DNM2: variants seen among roughly 807,000 people sequenced by gnomAD.
DNM2 encodes the protein dynamin 2, also known as dynamin-2.
In DNM2, 15 loss-of-function variants were observed where a neutral mutation model predicts 99.0. That is an observed-to-expected ratio of 0.15 (90% CI 0.10 to 0.23). The LOEUF (loss-of-function observed/expected upper bound fraction) is 0.23, where lower values mean the gene tolerates loss of function less well. DNM2 is among the 10% of genes least tolerant of loss of function. The probability of loss-of-function intolerance (pLI) is 1.00; values close to 1 mark genes in which losing one functional copy is unlikely to be tolerated. For synonymous variants in DNM2, 525 were observed against 481.2 expected (o/e 1.09, Z -1.19); for missense variants, 742 against 1,189.4 (o/e 0.62, Z 5.53).
rs778429382 is a variant in DNM2 at position 10,765,237 on chromosome 19, C to A, written c.235+5426C>A. Among the ~76,000 whole-genome samples, 1 of 152,198 alleles carries A rather than the reference C, an allele frequency of 6.6e-6. No homozygotes were observed. The highest frequency in any genetic ancestry group is 1.5e-5 in the Non-Finnish European group (1 of 68,036). The stretch of plus-strand genomic sequence containing the variant: ...CCTCCCAAAGTGCTGGGATTACAGG[C>A]GTGAGCCACCACGCCCGGCCTGTTT... On this transcript the variant is annotated intron_variant, in intron 2 of 20. Transcript: ENST00000389253. The surrounding 1 kb of genome is among the most constrained non-coding windows in gnomAD (Gnocchi z 4.4).
intron 19 of DNM2, among the ~76,000 whole-genome samples, chr19:10,829,879 G>A (rs955961059): frequency 5.9e-5 from 9 of 152,182 alleles, no homozygotes; most frequent in African/African-American, 2.2e-4. Context: ...GAGGACTCTG[G>A]AAGTGTCTTT....
At chr19:10,758,184 A>G (rs1040277668) in intron 1 of DNM2, among the ~76,000 whole-genome samples, 2 of 151,726 alleles carry the variant, frequency 1.3e-5, no homozygotes, top group African/African-American at 2.4e-5. Context: ...TACTCCCTCT[A>G]TCTTCTGGGG....
chr19:10,775,572 C>A lies in DNM2; in HGVS notation c.386-131C>A, dbSNP rs770091758. On this transcript the variant is annotated intron_variant, in intron 3 of 20. Coordinates refer to ENST00000389253, the MANE Select transcript of DNM2 (RefSeq NM_001005361.3). The surrounding 1 kb of genome is among the most constrained non-coding windows in gnomAD (Gnocchi z 4.3). ...TACTGGATCAAAGGTGTGGTTCAGG[C>A]AGAGTGTCAGGCGACATCCTCAAGT... 3 of 974,734 alleles carry A rather than the reference C, an allele frequency of 3.1e-6. No homozygotes were observed. Among genetic ancestry groups the A allele is most frequent in the Non-Finnish European group, 4.9e-6 (3 of 606,362 alleles). 60.4% of individuals were successfully genotyped at this position (974,734 alleles called of 1,614,324 possible).
chr19:10,796,113 G>A lies in DNM2; in HGVS notation c.1196+674G>A. On this transcript the variant is annotated intron_variant, in intron 9 of 20. Transcript: ENST00000389253. This position sits in a 1 kb window ranked among gnomAD's most constrained non-coding sequence, Gnocchi z 5.6. ...ATTCGAGGCCATTGTGAAAAAGCAG[G>A]TCGTCAAGCTGAAAGAGCCCTGTCT... The A allele has an allele frequency of 6.2e-7, 1 of 1,614,148 alleles. No homozygotes were observed. Among genetic ancestry groups the A allele is most frequent in the South Asian group, 1.1e-5 (1 of 91,086 alleles).
In DNM2 at chr19:10,796,014, T is replaced by C. The variant is rs1453232484; in HGVS notation, c.1196+575T>C. The stretch of plus-strand genomic sequence containing the variant: ...CAATGAAATTGCTGACCATGCTTTG[T>C]TTCTCTCTGACTTATCTCCCCTGCC... On this transcript the variant is annotated intron_variant, in intron 9 of 20. Transcript: ENST00000389253. The surrounding 1 kb of genome is among the most constrained non-coding windows in gnomAD (Gnocchi z 5.6). 8 of 1,611,742 alleles carry C rather than the reference T, an allele frequency of 5.0e-6. No homozygotes were observed. Among genetic ancestry groups the C allele is most frequent in the Non-Finnish European group, 6.8e-6 (8 of 1,179,988 alleles).
At position 10,796,153 on chromosome 19, in the gene DNM2, T is replaced by G. The variant is rs757922565; in HGVS notation, c.1196+714T>G. 6.2e-7 allele frequency: 1 copy of G among 1,614,216 alleles called. No individual in the cohort carries two copies. Among genetic ancestry groups the G allele is most frequent in the Non-Finnish European group, 8.5e-7 (1 of 1,180,042 alleles). ...GAGCCCTGTCTGAAATGTGTCGACC[T>G]GGTTATCCAGGAGCTAATCAATACA... On this transcript the variant is annotated intron_variant, in intron 9 of 20. Coordinates refer to ENST00000389253, the MANE Select transcript of DNM2 (RefSeq NM_001005361.3). This position sits in a 1 kb window ranked among gnomAD's most constrained non-coding sequence, Gnocchi z 5.6.
rs374376619 is a variant in DNM2, at chr19:10,796,067, G to T, written c.1196+628G>T. On this transcript the variant is annotated intron_variant, in intron 9 of 20. Transcript: ENST00000389253. The surrounding 1 kb of genome is among the most constrained non-coding windows in gnomAD (Gnocchi z 5.6). ...CGGGTCTGGACGGTTTCAGGACCGGGCTTTTCACCCCGGACTTGGCATTCG... is the reference window on the plus strand; with the variant it reads ...CGGGTCTGGACGGTTTCAGGACCGGTCTTTTCACCCCGGACTTGGCATTCG... 6 of 1,613,590 alleles carry T rather than the reference G, an allele frequency of 3.7e-6. No homozygotes were observed. Among genetic ancestry groups the T allele is most frequent in the Non-Finnish European group, 5.1e-6 (6 of 1,180,004 alleles).
At chr19:10,720,270 T>C (rs999355509) in intron 1 of DNM2, among the ~76,000 whole-genome samples, 3 of 151,382 alleles carry the variant, frequency 2.0e-5, no homozygotes, top group African/African-American at 7.3e-5. Flanking sequence ...TGGAGTGCAG[T>C]GGAGCAATCT....
chr19:10,726,615 A>G (rs1393436985), intron 1 of DNM2, among the ~76,000 whole-genome samples: 2 of 152,148 alleles, frequency 1.3e-5, no homozygotes, highest in African/African-American at 4.8e-5. Flanking sequence ...GTGATGAGAA[A>G]TGGGAGAAAA....
At chr19:10,774,119 A>G (rs2071072295) in intron 3 of DNM2, among the ~76,000 whole-genome samples, 1 of 152,250 alleles carries the variant, frequency 6.6e-6, no homozygotes, top group African/African-American at 2.4e-5. Flanking sequence ...CCAGTTTTGC[A>G]CACATATTTT....
chr19:10,788,136 G>A (rs1396837387), intron 7 of DNM2, among the ~76,000 whole-genome samples: 1 of 152,052 alleles, frequency 6.6e-6, no homozygotes, highest in Non-Finnish European at 1.5e-5. Context: ...GGGAGACTGA[G>A]GCAAGAGAAT....
intron 1 of DNM2, among the ~76,000 whole-genome samples, chr19:10,749,895 T>C (rs1194829069): frequency 6.6e-6 from 1 of 152,100 alleles, no homozygotes; most frequent in Non-Finnish European, 1.5e-5. Context: ...AGGCAGGGCC[T>C]ATGGGAGGGT....
chr19:10,730,946 G>A (rs1262385987), intron 1 of DNM2, among the ~76,000 whole-genome samples: 2 of 152,198 alleles, frequency 1.3e-5, no homozygotes, highest in African/African-American at 4.8e-5. Context: ...GTAGACAAGA[G>A]GCCAGCAGAG....
chr19:10,718,554 G>T, intron 1 of DNM2, 151 bp downstream of exon 1: 1 of 1,141,416 alleles, frequency 8.8e-7, no homozygotes, highest in South Asian at 3.6e-5. Flanking sequence ...GGGCCCTGTG[G>T]GACGCCCTGG....
In DNM2 at chr19:10,818,729, G is replaced by C. The variant is rs548251059; in HGVS notation, c.1672-1251G>C. On this transcript the variant is annotated intron_variant, in intron 15 of 20. Transcript: ENST00000389253. This position sits in a 1 kb window ranked among gnomAD's most constrained non-coding sequence, Gnocchi z 4.3. ...GCTTTGTGCTGGGGCAGCGCAGTGA[G>C]GGGACATGAGAGGAGTTTCCAGAGA... is the stretch of plus-strand genomic sequence containing the variant. Among the ~76,000 whole-genome samples, 2 of 152,362 alleles carry C rather than the reference G, an allele frequency of 1.3e-5. No homozygotes were observed. The highest frequency in any genetic ancestry group is 4.1e-4 in the South Asian group (2 of 4,832).
chr19:10,821,102 T>G (rs937332406), intron 16 of DNM2, among the ~76,000 whole-genome samples: 1 of 152,092 alleles, frequency 6.6e-6, no homozygotes, highest in Non-Finnish European at 1.5e-5. Flanking sequence ...CCTTGCCTAC[T>G]GCTTGGCTAC....
intron 3 of DNM2, among the ~76,000 whole-genome samples, chr19:10,774,199 AAAGGC>A (rs1436407416): frequency 1.3e-5 from 2 of 152,278 alleles, no homozygotes; most frequent in East Asian, 3.9e-4. Flanking sequence ...AAGCTGCCTG[AAAGGC>A]TGAGTCAGGA....
At chr19:10,718,878 C>A (rs552130340) in intron 1 of DNM2, among the ~76,000 whole-genome samples, 1 of 152,316 alleles carries the variant, frequency 6.6e-6, no homozygotes, top group South Asian at 2.1e-4. Context: ...CCTGGGCAAG[C>A]CTCCCTGCCA....
At chr19:10,826,344 AC>A (rs575463555) in intron 18 of DNM2, among the ~76,000 whole-genome samples, 153 of 152,296 alleles carry the variant, frequency 1.0e-3, no homozygotes, top group African/African-American at 3.5e-3. Context: ...ACCCACGTTT[AC>A]CCTGGTTGCA....
Sources: allele counts gnomAD v4.1 joint callset (sites outside exome capture counted in the v4.1 genomes callset), GRCh38; gene constraint gnomAD v4.1.1; non-coding constraint Gnocchi (gnomAD v3.1); transcripts MANE v1.5; gene names NCBI Gene and HGNC (gene_info 2026-07-23, HGNC 2026-07-21).